SNTG1: variants seen among roughly 807,000 people sequenced by gnomAD.
SNTG1 encodes the protein syntrophin gamma 1, also known as gamma-1-syntrophin.
Under a neutral mutation model 74.7 loss-of-function variants are expected in SNTG1, and 39 were observed. The observed-to-expected ratio is 0.52, with a 90% CI of 0.40 to 0.68. SNTG1 has a LOEUF of 0.68. Among genes scored for constraint, SNTG1 ranks in the 30% least tolerant of loss-of-function variants. The probability of loss-of-function intolerance (pLI) is 0.00; values close to 1 mark genes in which losing one functional copy is unlikely to be tolerated. For synonymous variants in SNTG1, 254 were observed against 217.1 expected (o/e 1.17, Z -1.49); for missense variants, 685 against 609.5 (o/e 1.12, Z -1.30).
chr8:50,682,328 G>T (rs945604895), intron 15 of SNTG1, among the ~76,000 whole-genome samples: 2 of 151,872 alleles, frequency 1.3e-5, no homozygotes, highest in African/African-American at 4.8e-5. Context: ...GGAGTGGCGG[G>T]GTGGGTAGTT....
At chr8:50,449,032 A>G (rs1173470980) in intron 5 of SNTG1, among the ~76,000 whole-genome samples, 1 of 151,928 alleles carries the variant, frequency 6.6e-6, no homozygotes, top group Non-Finnish European at 1.5e-5. Context: ...CTCCGTCTCA[A>G]AAAATAAAAT....
chr8:50,432,302 T>C (rs2093246756), intron 4 of SNTG1, among the ~76,000 whole-genome samples: 1 of 152,176 alleles, frequency 6.6e-6, no homozygotes, highest in Admixed American at 6.5e-5. Flanking sequence ...TTTTTATTCT[T>C]TTGTCAAATA....
Position 50,118,595 on chromosome 8 carries a change from G to A in SNTG1, c.-102-53966G>A, listed in dbSNP as rs1337285447. 3.1e-5 allele frequency among the ~76,000 whole-genome samples: 3 copies of A among 97,608 alleles called. No homozygotes were observed. The East Asian group carries it at 7.8e-4, about 25-fold the overall frequency. 64.0% of individuals were successfully genotyped at this position (97,608 alleles called of 152,430 possible). On this transcript the variant is annotated intron_variant, in intron 1 of 18. Coordinates refer to ENST00000642720, the MANE Select transcript of SNTG1 (RefSeq NM_018967.5). ...AAGCCAATCATGTGAGGAGTTCACC[G>A]AAAGGCTCAGCTCTTCTCTCCATTC...
chr8:49,913,351 G>A (rs755631094), intron 1 of SNTG1, among the ~76,000 whole-genome samples: 4 of 152,188 alleles, frequency 2.6e-5, no homozygotes, highest in Non-Finnish European at 4.4e-5. Context: ...TGTGTGTAAC[G>A]ATAGTAAAAT....
chr8:50,459,324 T>C (rs1050622906), intron 8 of SNTG1, among the ~76,000 whole-genome samples: 9 of 152,230 alleles, frequency 5.9e-5, no homozygotes, highest in Middle Eastern at 3.2e-3. Flanking sequence ...GTTCTGTTTA[T>C]ATCTGATTGT....
intron 1 of SNTG1, among the ~76,000 whole-genome samples, chr8:50,008,990 G>T (rs772668728): frequency 6.6e-6 from 1 of 151,270 alleles, no homozygotes; most frequent in African/African-American, 2.4e-5. Context: ...CCCACAGTTT[G>T]CCTCTTATAG....
chr8:50,084,643 G>A (rs963782354), intron 1 of SNTG1, among the ~76,000 whole-genome samples: 1 of 152,050 alleles, frequency 6.6e-6, no homozygotes, highest in African/African-American at 2.4e-5. Flanking sequence ...CTCTCTCATT[G>A]CAATATGTTA....
intron 3 of SNTG1, among the ~76,000 whole-genome samples, chr8:50,398,061 T>C (rs2092750787): frequency 6.6e-6 from 1 of 152,252 alleles, no homozygotes; most frequent in Admixed American, 6.5e-5. Flanking sequence ...ATGGAGTTTA[T>C]CCTTCTTCTT....
chr8:50,070,849 G>T (rs557196007), intron 1 of SNTG1, among the ~76,000 whole-genome samples: 2 of 152,306 alleles, frequency 1.3e-5, no homozygotes, highest in South Asian at 2.1e-4. Flanking sequence ...GTCAAAATGT[G>T]TCCAGTTAGT....
chr8:50,211,561 T>C (rs901515748), intron 2 of SNTG1, among the ~76,000 whole-genome samples: 1 of 152,104 alleles, frequency 6.6e-6, no homozygotes. Flanking sequence ...AGGATCAGTA[T>C]AAGAATTCTA....
At chr8:50,457,368 T>C (rs949688664) in intron 8 of SNTG1, among the ~76,000 whole-genome samples, 1 of 152,144 alleles carries the variant, frequency 6.6e-6, no homozygotes, top group African/African-American at 2.4e-5. Context: ...ACCATGCTGA[T>C]GCAAGATCTT....
intron 2 of SNTG1, among the ~76,000 whole-genome samples, chr8:50,297,738 G>C (rs994164788): frequency 6.6e-6 from 1 of 152,052 alleles, no homozygotes; most frequent in African/African-American, 2.4e-5. Flanking sequence ...TATTTCTGGA[G>C]TTTTCCATTG....
chr8:50,241,720 C>T (rs1025342066), intron 2 of SNTG1, among the ~76,000 whole-genome samples: 3 of 152,160 alleles, frequency 2.0e-5, no homozygotes, highest in African/African-American at 7.2e-5. Context: ...AGTGTGCCAA[C>T]ATGAACTAAG....
chr8:50,701,756 C>CTTCTTCTTCTTCTT (rs1563761853), intron 15 of SNTG1, among the ~76,000 whole-genome samples: 3 of 123,740 alleles, frequency 2.4e-5, no homozygotes, highest in African/African-American at 4.1e-5. Context: ...TCCTTCTTCT[C>CTTCTTCTTCTTCTT]CTTCTTCTTC....
At chr8:50,102,913 A>T (rs2080200791) in intron 1 of SNTG1, among the ~76,000 whole-genome samples, 1 of 150,158 alleles carries the variant, frequency 6.7e-6, no homozygotes, top group South Asian at 2.1e-4. Context: ...TGTTCCATTG[A>T]TCTATATCTT....
At chr8:50,282,202 C>T (rs756258173) in intron 2 of SNTG1, among the ~76,000 whole-genome samples, 8 of 152,116 alleles carry the variant, frequency 5.3e-5, no homozygotes, top group Non-Finnish European at 8.8e-5. Context: ...CCCCTCCAAC[C>T]GGAGACATTC....
chr8:50,737,722 G>T (rs192414094), intron 17 of SNTG1, among the ~76,000 whole-genome samples: 1 of 152,006 alleles, frequency 6.6e-6, no homozygotes, highest in African/African-American at 2.4e-5. Context: ...TGATCACGTC[G>T]GCTTCATCCC....
At chr8:50,669,062 A>G (rs938824806) in intron 15 of SNTG1, among the ~76,000 whole-genome samples, 2 of 152,004 alleles carry the variant, frequency 1.3e-5, no homozygotes, top group African/African-American at 2.4e-5. Context: ...ATTTATAGCA[A>G]TAAATGCCCA....
chr8:49,986,349 C>T (rs1249760192), intron 1 of SNTG1, among the ~76,000 whole-genome samples: 1 of 151,978 alleles, frequency 6.6e-6, no homozygotes, highest in South Asian at 2.1e-4. Flanking sequence ...TCATTATGAC[C>T]CCCTCTCATA....
Sources: gnomAD v4.1 joint callset for allele counts (sites outside exome capture counted in the v4.1 genomes callset) on GRCh38, gnomAD v4.1.1 for gene constraint, MANE v1.5 for transcripts, NCBI Gene and HGNC (gene_info 2026-07-23, HGNC 2026-07-21) for gene names.